Variants in ADRA1A observed in about 807,000 individuals in gnomAD.
ADRA1A encodes the protein adrenoceptor alpha 1A, also known as alpha-1A adrenergic receptor.
In ADRA1A, 31 loss-of-function variants were observed where a neutral mutation model predicts 29.6. The observed-to-expected ratio is 1.05, with a 90% CI of 0.79 to 1.41. The LOEUF (loss-of-function observed/expected upper bound fraction) is 1.41, where lower values mean the gene tolerates loss of function less well. Among genes scored for constraint, ADRA1A ranks in the 40% most tolerant of loss-of-function variants. The pLI is 0.00. For missense variants in ADRA1A, 619 were observed against 601.1 expected (o/e 1.03, Z -0.31); for synonymous variants, 311 against 254.3 (o/e 1.22, Z -2.12).
rs1806501461 is a variant in ADRA1A at position 26,775,802 on chromosome 8, T to C, written c.884-5136A>G. On this transcript the variant is annotated intron_variant, in intron 2 of 2. Coordinates refer to ENST00000380573, the MANE Select transcript of ADRA1A (RefSeq NM_000680.4). The surrounding 1 kb of genome is among the most constrained non-coding windows in gnomAD (Gnocchi z 4.1). ...CTTACGCCGGTCAGACTGAGGTGGATAGAACAGGAGTTTATGGCCAAACAC... is the reference window on the plus strand; with the variant it reads ...CTTACGCCGGTCAGACTGAGGTGGACAGAACAGGAGTTTATGGCCAAACAC... 6.6e-6 allele frequency among the ~76,000 whole-genome samples: 1 copy of C among 152,198 alleles called. No individual in the cohort carries two copies. The highest frequency in any genetic ancestry group is 1.5e-5 in the Non-Finnish European group (1 of 68,036).
chr8:26,767,319 A>G (rs369836477), downstream of ADRA1A, among the ~76,000 whole-genome samples: 8 of 151,090 alleles, frequency 5.3e-5, no homozygotes, highest in East Asian at 1.0e-3. Flanking sequence ...TATGACAATC[A>G]TTTGCTAAAC....
At chr8:26,755,636 G>A (rs1183925059), downstream of ADRA1A, among the ~76,000 whole-genome samples, 6 of 152,122 alleles carry the variant, frequency 3.9e-5, no homozygotes, top group East Asian at 3.8e-4. Flanking sequence ...AGGATTCACC[G>A]TAGAGATCAC....
downstream of ADRA1A, among the ~76,000 whole-genome samples, chr8:26,762,833 T>C (rs1263180636): frequency 6.6e-6 from 1 of 152,144 alleles, no homozygotes; most frequent in Non-Finnish European, 1.5e-5. This position sits in a 1 kb window ranked among gnomAD's most constrained non-coding sequence, Gnocchi z 4.0. Context: ...CACCGTGCCC[T>C]CGGCTGCAGG....
rs1292648119 is a variant in ADRA1A, at chr8:26,805,517, T to G, written c.884-34851A>C. 6.6e-6 allele frequency among the ~76,000 whole-genome samples: 1 copy of G among 152,190 alleles called. No homozygotes were observed. Among genetic ancestry groups the G allele is most frequent in the Non-Finnish European group, 1.5e-5 (1 of 68,034 alleles). On this transcript the variant is annotated intron_variant, in intron 2 of 2. Transcript: ENST00000380573. This position sits in a 1 kb window ranked among gnomAD's most constrained non-coding sequence, Gnocchi z 4.8. ...CAGTACTTTCGAAACGCTTTCCATATATTAGCTCATTTAATTTTCCAAAAA... is the reference window on the plus strand; with the variant it reads ...CAGTACTTTCGAAACGCTTTCCATAGATTAGCTCATTTAATTTTCCAAAAA...
In ADRA1A at chr8:26,770,231, G is replaced by A. The variant is rs776927741; in HGVS notation, c.1319C>T (p.Thr440Ile). 3.1e-6 allele frequency: 5 copies of A among 1,611,230 alleles called. No individual in the cohort carries two copies. The highest frequency in any genetic ancestry group is 2.2e-5 in the East Asian group (1 of 44,852). The change falls in exon 3 of 3, where the codon ACC (threonine) becomes ATC (isoleucine). Residue 440 changes from threonine (T) to isoleucine (I), a missense_variant. Coordinates refer to ENST00000380573, the MANE Select transcript of ADRA1A (RefSeq NM_000680.4). ...LQVCCCVGPS[T>I]PSLDKNHQVP... is the part of the protein sequence containing the mutation. ...TTGATGGTTCTTGTCAAGGCTGGGGGTTGAGGGCCCTACACAGCAGCAGAC... is the reference window on the plus strand; with the variant it reads ...TTGATGGTTCTTGTCAAGGCTGGGGATTGAGGGCCCTACACAGCAGCAGAC...
downstream of ADRA1A, among the ~76,000 whole-genome samples, chr8:26,754,686 T>C (rs1294259571): frequency 1.3e-5 from 2 of 152,162 alleles, no homozygotes; most frequent in African/African-American, 4.8e-5. Flanking sequence ...GTCAGCTTTA[T>C]TTACTAAAGT....
chr8:26,756,945 T>C (rs1027127141), intron 2 of ADRA1A: 1 of 1,056,120 alleles, frequency 9.5e-7, no homozygotes, highest in African/African-American at 1.6e-5. Flanking sequence ...GAGCGGGTTC[T>C]CAAGTTGAGG....
intron 2 of ADRA1A, among the ~76,000 whole-genome samples, chr8:26,804,644 T>C (rs956913975): frequency 1.4e-4 from 22 of 152,156 alleles, no homozygotes; most frequent in African/African-American, 5.1e-4. Flanking sequence ...TTATCTGACA[T>C]ATATCACTAT....
intron 2 of ADRA1A, among the ~76,000 whole-genome samples, chr8:26,861,485 C>G (rs1813464820): frequency 6.6e-6 from 1 of 151,996 alleles, no homozygotes; most frequent in South Asian, 2.1e-4. Flanking sequence ...CTCTCTTTAT[C>G]TTTTCTCTTG....
chr8:26,776,745 G>A (rs1806576752), intron 2 of ADRA1A, among the ~76,000 whole-genome samples: 1 of 152,226 alleles, frequency 6.6e-6, no homozygotes, highest in South Asian at 2.1e-4. Context: ...TTAAAAGTCA[G>A]AGTGTGCTGT....
chr8:26,824,376 C>T (rs1013276233), intron 2 of ADRA1A, among the ~76,000 whole-genome samples: 6 of 152,022 alleles, frequency 3.9e-5, no homozygotes, highest in African/African-American at 1.4e-4. Flanking sequence ...TGCATGCCCG[C>T]CGGGAAGCCA....
At chr8:26,849,553 G>T (rs1188897100) in intron 2 of ADRA1A, among the ~76,000 whole-genome samples, 1 of 152,226 alleles carries the variant, frequency 6.6e-6, no homozygotes, top group Non-Finnish European at 1.5e-5. Context: ...TACTCTGGCA[G>T]ATTCGAATCA....
intron 2 of ADRA1A, among the ~76,000 whole-genome samples, chr8:26,844,394 C>A (rs987244621): frequency 9.9e-5 from 15 of 152,076 alleles, no homozygotes; most frequent in Admixed American, 9.2e-4. Context: ...AAGAGGTAGT[C>A]TTTTTGAAAG....
At chr8:26,756,498 C>T in exon 3 of ADRA1A, 1 of 1,515,310 alleles carries the variant, frequency 6.6e-7, no homozygotes. Flanking sequence ...AGCTATTTGT[C>T]CCTGAAGGCT....
intron 2 of ADRA1A, among the ~76,000 whole-genome samples, chr8:26,798,988 C>T (rs1235771924): frequency 6.6e-6 from 1 of 151,972 alleles, no homozygotes; most frequent in Admixed American, 6.6e-5. Flanking sequence ...TCCAACAATC[C>T]CTTACATGGT....
chr8:26,782,744 C>T lies in ADRA1A; in HGVS notation c.884-12078G>A, dbSNP rs1807086906. ...CTCTATGCCTAGACCATCTCTGCCA[C>T]CTGAGCTCCGTCCTGCACACACAAC... On this transcript the variant is annotated intron_variant, in intron 2 of 2. Transcript: ENST00000380573. Among the ~76,000 whole-genome samples the T allele has an allele frequency of 2.6e-5, 4 of 152,324 alleles. 1 individual carries two copies. The South Asian group carries it at 8.3e-4, about 32-fold the overall frequency.
At chr8:26,752,074 T>A (rs188097342), downstream of ADRA1A, among the ~76,000 whole-genome samples, 24 of 152,246 alleles carry the variant, frequency 1.6e-4, no homozygotes, top group African/African-American at 5.5e-4. Flanking sequence ...GTGGCAATTT[T>A]GTTTTTTTTT....
At position 26,805,502 on chromosome 8, in the gene ADRA1A, GA is replaced by G. The variant is rs995252536; in HGVS notation, c.884-34837del. ...TGTCCACTCTATGCCCAGTACTTTC[GA>G]AACGCTTTCCATATATTAGCTCATT... On this transcript the variant is annotated intron_variant, in intron 2 of 2. Coordinates refer to ENST00000380573, the MANE Select transcript of ADRA1A (RefSeq NM_000680.4). This position sits in a 1 kb window ranked among gnomAD's most constrained non-coding sequence, Gnocchi z 4.8. 6.6e-6 allele frequency among the ~76,000 whole-genome samples: 1 copy of G among 152,100 alleles called. No homozygotes were observed. Among genetic ancestry groups the G allele is most frequent in the Non-Finnish European group, 1.5e-5 (1 of 68,040 alleles).
chr8:26,818,355 A>G (rs553251240), intron 2 of ADRA1A, among the ~76,000 whole-genome samples: 2 of 152,316 alleles, frequency 1.3e-5, no homozygotes, highest in South Asian at 4.1e-4. Flanking sequence ...TATTAAGTCA[A>G]AAAGAATTCC....
Sources: gnomAD v4.1 joint callset for allele counts (sites outside exome capture counted in the v4.1 genomes callset) on GRCh38, gnomAD v4.1.1 for gene constraint, Gnocchi (gnomAD v3.1) non-coding constraint, MANE v1.5 for transcripts, NCBI Gene and HGNC (gene_info 2026-07-23, HGNC 2026-07-21) for gene names.